UNC13C: variants seen among roughly 807,000 people sequenced by gnomAD.
The protein encoded by UNC13C is protein unc-13 homolog C.
UNC13C carries 174 observed loss-of-function variants against 245.4 expected under a neutral mutation model. The ratio of observed to expected loss-of-function variants is 0.71; its 90% CI spans 0.63 to 0.80. The LOEUF (loss-of-function observed/expected upper bound fraction) is 0.80, where lower values mean the gene tolerates loss of function less well. Among genes scored for constraint, UNC13C ranks in the 30% least tolerant of loss-of-function variants. UNC13C has a pLI of 0.00. For synonymous variants in UNC13C, 992 were observed against 895.1 expected (o/e 1.11, Z -1.93); for missense variants, 2,829 against 2,602.9 (o/e 1.09, Z -1.89).
intron 1 of UNC13C, among the ~76,000 whole-genome samples, chr15:54,005,664 TGAAAA>T (rs923467139): frequency 3.3e-5 from 5 of 152,310 alleles, no homozygotes; most frequent in African/African-American, 9.6e-5. Context: ...AGGACTATAA[TGAAAA>T]GAAAAGATGA....
the UNC13C span, among the ~76,000 whole-genome samples, chr15:53,865,711 T>G: frequency 3.3e-5 from 5 of 152,146 alleles, no homozygotes; most frequent in Non-Finnish European, 7.4e-5. Context: ...CTCCATAATT[T>G]AATAATCAAT....
chr15:54,248,523 A>C (rs543048975), intron 7 of UNC13C, among the ~76,000 whole-genome samples: 1 of 152,048 alleles, frequency 6.6e-6, no homozygotes, highest in Non-Finnish European at 1.5e-5. Context: ...AGTTCTTTAT[A>C]AGACATCTTT....
chr15:53,991,848 T>G (rs1894405444), intron 1 of UNC13C, among the ~76,000 whole-genome samples: 1 of 152,052 alleles, frequency 6.6e-6, no homozygotes, highest in African/African-American at 2.4e-5. Flanking sequence ...GTAACGTACC[T>G]GATATATAGA....
Position 54,225,410 on chromosome 15 carries a change from A to C in UNC13C, c.3072-9620A>C, listed in dbSNP as rs538710785. Among the ~76,000 whole-genome samples the C allele has an allele frequency of 3.9e-5, 6 of 152,254 alleles. No individual in the cohort carries two copies. The South Asian group carries it at 1.2e-3, about 32-fold the overall frequency. ...ATAAATTACTTTGGGCAGTATGCCCATTTTCACAATATTCATTCTTTCTAT... is the reference window on the plus strand; with the variant it reads ...ATAAATTACTTTGGGCAGTATGCCCCTTTTCACAATATTCATTCTTTCTAT... On this transcript the variant is annotated intron_variant, in intron 4 of 32. Transcript: ENST00000260323.
At chr15:54,605,357 T>G (rs1899710466) in intron 30 of UNC13C, among the ~76,000 whole-genome samples, 1 of 152,162 alleles carries the variant, frequency 6.6e-6, no homozygotes, top group South Asian at 2.1e-4. Context: ...CCTGTGTGCT[T>G]CCAGTGCCCC....
chr15:54,433,470 C>T (rs1193563211), intron 19 of UNC13C, among the ~76,000 whole-genome samples: 1 of 151,958 alleles, frequency 6.6e-6, no homozygotes, highest in African/African-American at 2.4e-5. Flanking sequence ...TAAACAGAAC[C>T]AATGACAAAA....
rs1479006190 is a variant in UNC13C at position 54,419,875 on chromosome 15, T to G, written c.4933+4808T>G. 3.3e-5 allele frequency among the ~76,000 whole-genome samples: 5 copies of G among 152,276 alleles called. No homozygotes were observed. In the East Asian group the frequency reaches 9.7e-4, roughly 30 times the overall value. ...GTGAATACAGCTGGTCTCTCACTGT[T>G]GAGCTTGGTACTCACTCAAGTATGA... is the stretch of plus-strand genomic sequence containing the variant. On this transcript the variant is annotated intron_variant, in intron 19 of 32. Transcript: ENST00000260323.
the UNC13C span, among the ~76,000 whole-genome samples, chr15:53,887,953 T>C: frequency 9.2e-5 from 14 of 152,212 alleles, no homozygotes; most frequent in African/African-American, 9.6e-5. Flanking sequence ...CAGTCTATCA[T>C]TGATGGACAT....
chr15:54,421,568 C>A (rs1233897736), intron 19 of UNC13C, among the ~76,000 whole-genome samples: 2 of 152,018 alleles, frequency 1.3e-5, no homozygotes, highest in Non-Finnish European at 2.9e-5. Context: ...TAGGGCCCAG[C>A]AATTCCTGTT....
chr15:54,181,910 C>T (rs927646827), intron 4 of UNC13C, among the ~76,000 whole-genome samples: 11 of 151,972 alleles, frequency 7.2e-5, no homozygotes, highest in African/African-American at 2.7e-4. Context: ...ACTAAAGTCA[C>T]TTGTTAGTTC....
intron 4 of UNC13C, among the ~76,000 whole-genome samples, chr15:54,181,098 T>C (rs940488347): frequency 6.6e-6 from 1 of 151,952 alleles, no homozygotes; most frequent in Non-Finnish European, 1.5e-5. Context: ...GTGTTTTCTA[T>C]GTTTTCTTCT....
chr15:53,973,176 G>A, the UNC13C span, among the ~76,000 whole-genome samples: 1 of 151,922 alleles, frequency 6.6e-6, no homozygotes, highest in East Asian at 1.9e-4. Context: ...ATGGCTCTTT[G>A]GTATTCTAAA....
chr15:54,155,708 T>A (rs758547092), intron 4 of UNC13C, among the ~76,000 whole-genome samples: 3 of 152,168 alleles, frequency 2.0e-5, no homozygotes, highest in Non-Finnish European at 2.9e-5. Context: ...ACTTTCCAGA[T>A]GGGTGAATAA....
chr15:54,455,559 A>T (rs1037846635), intron 19 of UNC13C, among the ~76,000 whole-genome samples: 1 of 146,666 alleles, frequency 6.8e-6, no homozygotes. Flanking sequence ...CCATTCTTGC[A>T]GGAGTAAGGT....
intron 19 of UNC13C, among the ~76,000 whole-genome samples, chr15:54,493,854 A>G (rs1893832300): frequency 1.3e-5 from 2 of 152,136 alleles, no homozygotes; most frequent in Admixed American, 6.6e-5. Flanking sequence ...TCCAGGTCAC[A>G]ATAGCTTAAC....
chr15:53,917,822 G>A, the UNC13C span, among the ~76,000 whole-genome samples: 1 of 152,262 alleles, frequency 6.6e-6, no homozygotes, highest in African/African-American at 2.4e-5. Flanking sequence ...CACTTTCATT[G>A]ATTTTGAGAA....
the UNC13C span, among the ~76,000 whole-genome samples, chr15:53,953,068 T>A: frequency 1.3e-5 from 2 of 152,194 alleles, no homozygotes; most frequent in South Asian, 4.1e-4. Flanking sequence ...AATTAGCACC[T>A]CACAACAGCT....
At chr15:54,401,056 AAAG>A (rs537509520) in intron 18 of UNC13C, among the ~76,000 whole-genome samples, 306 of 152,306 alleles carry the variant, frequency 2.0e-3, no homozygotes, top group Non-Finnish European at 3.5e-3. Flanking sequence ...AATTTTTTGT[AAAG>A]AAGAACTTTC....
intron 1 of UNC13C, among the ~76,000 whole-genome samples, chr15:54,009,971 G>C (rs558643692): frequency 6.6e-6 from 1 of 152,196 alleles, no homozygotes; most frequent in South Asian, 2.1e-4. Context: ...ATTGTATTTT[G>C]TCAATCCTCT....
Sources: gnomAD v4.1 joint callset for allele counts (sites outside exome capture counted in the v4.1 genomes callset) on GRCh38, gnomAD v4.1.1 for gene constraint, MANE v1.5 for transcripts, NCBI Gene and HGNC (gene_info 2026-07-23, HGNC 2026-07-21) for gene names.